POR: variants seen among roughly 807,000 people sequenced by gnomAD.
The protein encoded by POR is cytochrome p450 oxidoreductase.
In POR, 56 loss-of-function variants were observed where a neutral mutation model predicts 84.0. The observed-to-expected ratio is 0.67, with a 90% confidence interval of 0.54 to 0.83. POR has a LOEUF of 0.83. Ranked by LOEUF, POR falls within the 40% of genes least tolerant of loss-of-function variation. The pLI is 0.00. For missense variants in POR, 938 were observed against 944.3 expected, an observed-to-expected ratio of 0.99 and a Z score of 0.09; for synonymous variants, 414 against 400.5, an observed-to-expected ratio of 1.03 and a Z score of -0.40.
intron 1 of POR, among the ~76,000 whole-genome samples, chr7:75,933,384 T>TGG (rs1393182203): frequency 2.3e-5 from 2 of 87,448 alleles, no homozygotes; most frequent in African/African-American, 2.0e-4. Flanking sequence ...TTGTTTTTTT[T>TGG]TTTTTTTTTT....
rs782276763 is a variant in POR, at chr7:75,981,101, C to T, written c.570C>T (p.Tyr190=). The stretch of plus-strand genomic sequence containing the variant: ...AGCACTTCAATGCCATGGGCAAGTA[C>T]GTGGACAAGCGGCTGGAGCAGCTCG... The change falls in exon 6 of 16, where the codon TAC becomes TAT. Residue 190 remains tyrosine, a synonymous_variant. Coordinates refer to ENST00000461988, the MANE Select transcript of POR (RefSeq NM_000941.3). The T allele has an allele frequency of 8.9e-6, 14 of 1,569,568 alleles. No individual in the cohort carries two copies. Among genetic ancestry groups the T allele is most frequent in the African/African-American group, 5.4e-5 (4 of 73,774 alleles).
chr7:75,932,003 A>G (rs1479345084), intron 1 of POR, among the ~76,000 whole-genome samples: 1 of 152,168 alleles, frequency 6.6e-6, no homozygotes, highest in Non-Finnish European at 1.5e-5. Flanking sequence ...CTGTGCACAC[A>G]GTGCTTTGTG....
chr7:75,953,045 A>G (rs1224660723), intron 1 of POR, among the ~76,000 whole-genome samples: 1 of 152,178 alleles, frequency 6.6e-6, no homozygotes, highest in Non-Finnish European at 1.5e-5. Context: ...CACTGAGGGA[A>G]CGAGACTCCG....
intron 2 of POR, among the ~76,000 whole-genome samples, chr7:75,966,993 AG>A (rs1788211415): frequency 6.6e-6 from 1 of 152,066 alleles, no homozygotes. Flanking sequence ...TTCTTGAGAC[AG>A]GGTCTCACTC....
At chr7:75,965,603 T>A (rs981107861) in intron 2 of POR, among the ~76,000 whole-genome samples, 1 of 152,198 alleles carries the variant, frequency 6.6e-6, no homozygotes, top group Non-Finnish European at 1.5e-5. Flanking sequence ...CTTTTCTTTC[T>A]GTCACCGATG....
At chr7:75,955,839 C>T (rs1787662237) in intron 2 of POR, among the ~76,000 whole-genome samples, 1 of 152,200 alleles carries the variant, frequency 6.6e-6, no homozygotes, top group South Asian at 2.1e-4. Flanking sequence ...TTCTCCAAGG[C>T]TGGGCATGGT....
chr7:75,929,168 T>G (rs1232086865), intron 1 of POR, among the ~76,000 whole-genome samples: 1 of 152,164 alleles, frequency 6.6e-6, no homozygotes, highest in Non-Finnish European at 1.5e-5. Context: ...TGTTGTGGGT[T>G]TTTAGTAACC....
intron 3 of POR, among the ~76,000 whole-genome samples, chr7:75,979,081 GC>G (rs1788849044): frequency 1.3e-5 from 2 of 152,372 alleles, no homozygotes; most frequent in South Asian, 4.1e-4. Flanking sequence ...ACAGGTGTGA[GC>G]CACCACGCCC....
chr7:75,947,586 C>T (rs1030236519), intron 1 of POR, among the ~76,000 whole-genome samples: 2 of 152,162 alleles, frequency 1.3e-5, no homozygotes, highest in African/African-American at 4.8e-5. Flanking sequence ...TTAGCCACCA[C>T]GGCCGGCCCC....
chr7:75,977,304 A>T (rs1281488003), intron 3 of POR, among the ~76,000 whole-genome samples: 2 of 152,240 alleles, frequency 1.3e-5, no homozygotes, highest in Admixed American at 6.5e-5. Context: ...AAGATATCAC[A>T]GAAGCAACCT....
chr7:75,979,365 C>A, intron 3 of POR, 86 bp from the exon 4 acceptor site: 1 of 1,522,610 alleles, frequency 6.6e-7, no homozygotes, highest in South Asian at 1.2e-5. Flanking sequence ...GGAGGGCCCC[C>A]GCCTGCCAGG....
chr7:75,927,510 T>TG (rs1807191098), intron 1 of POR, among the ~76,000 whole-genome samples: 1 of 148,760 alleles, frequency 6.7e-6, no homozygotes, highest in Non-Finnish European at 1.5e-5. Context: ...AGGTCAGGAG[T>TG]GGGGAGTGAC....
At chr7:75,924,154 C>T (rs1328936799) in intron 1 of POR, among the ~76,000 whole-genome samples, 8 of 151,850 alleles carry the variant, frequency 5.3e-5, no homozygotes, top group Non-Finnish European at 1.2e-4. Context: ...TAATTGAATC[C>T]GGAGATTCCT....
intron 1 of POR, among the ~76,000 whole-genome samples, chr7:75,937,597 C>T (rs1196263722): frequency 1.3e-5 from 2 of 151,240 alleles, no homozygotes; most frequent in Admixed American, 1.3e-4. Flanking sequence ...GCCTGGCCAG[C>T]ATGGCGAAAC....
intron 2 of POR, among the ~76,000 whole-genome samples, chr7:75,956,028 C>T (rs782522436): frequency 8.5e-5 from 13 of 152,102 alleles, no homozygotes; most frequent in African/African-American, 1.2e-4. Flanking sequence ...CCAGGCACAG[C>T]GGCTCACGTC....
intron 2 of POR, among the ~76,000 whole-genome samples, chr7:75,961,964 T>C (rs946699451): frequency 1.4e-4 from 22 of 151,864 alleles, no homozygotes; most frequent in African/African-American, 4.8e-4. Context: ...CAGTGAGCCA[T>C]GGTTGTGCCA....
intron 1 of POR, among the ~76,000 whole-genome samples, chr7:75,921,973 C>G (rs1806892757): frequency 6.6e-6 from 1 of 152,192 alleles, no homozygotes; most frequent in East Asian, 1.9e-4. Flanking sequence ...TCCCAAAGTG[C>G]TGGGATAATA....
rs41299532 is a variant in POR, at chr7:75,983,340, CA to C, written c.831-168del. On this transcript the variant is annotated intron_variant, in intron 8 of 15. Coordinates refer to ENST00000461988, the MANE Select transcript of POR (RefSeq NM_000941.3). ...TGGGTGGCAGAGCGAAACTCTGTCT[CA>C]AAAAAAAAAAAGAGAACTGCATTGG... 277,272 of 405,334 alleles carry C rather than the reference CA, an allele frequency of 0.68. 79,287 individuals are homozygous for C. The highest frequency in any genetic ancestry group is 0.74 in the Admixed American group (18,778 of 25,458). The allele number at this position is 405,334 out of a possible 1,614,324, so 25.1% of individuals were successfully genotyped here.
intron 2 of POR, among the ~76,000 whole-genome samples, chr7:75,965,100 G>T: frequency 6.6e-6 from 1 of 152,066 alleles, no homozygotes; most frequent in East Asian, 1.9e-4. Context: ...TAGGATGGCG[G>T]TGTCTGGAGA....
Sources: gnomAD v4.1 joint callset for allele counts (sites outside exome capture counted in the v4.1 genomes callset) on GRCh38, gnomAD v4.1.1 for gene constraint, MANE v1.5 for transcripts, NCBI Gene and HGNC (gene_info 2026-07-23, HGNC 2026-07-21) for gene names.